The following DYM variants were observed in gnomAD, a reference collection of about 807,000 sequenced individuals.
DYM encodes the protein dyggve-Melchior-Clausen syndrome protein.
DYM carries 78 observed loss-of-function variants against 93.1 expected under a neutral mutation model. That is an observed-to-expected ratio of 0.84 (90% CI 0.70 to 1.01). DYM has a LOEUF of 1.01. DYM is among the 50% of genes least tolerant of loss of function. DYM has a pLI of 0.00. For synonymous variants in DYM, 321 were observed against 319.7 expected, an observed-to-expected ratio of 1.00 and a Z score of -0.04; for missense variants, 789 against 845.0, an observed-to-expected ratio of 0.93 and a Z score of 0.82.
intron 5 of DYM, among the ~76,000 whole-genome samples, chr18:49,373,598 T>C (rs949987713): frequency 6.6e-6 from 1 of 152,198 alleles, no homozygotes; most frequent in African/African-American, 2.4e-5. Context: ...GCCAACTTCC[T>C]ATCTCATTCT....
At chr18:49,321,993 A>G (rs1039293476) in intron 8 of DYM, among the ~76,000 whole-genome samples, 1 of 152,120 alleles carries the variant, frequency 6.6e-6, no homozygotes, top group Non-Finnish European at 1.5e-5. Flanking sequence ...CCAAAACTGA[A>G]GAGAAAAATA....
intron 17 of DYM, among the ~76,000 whole-genome samples, chr18:49,071,052 A>T (rs1001203261): frequency 2.6e-5 from 4 of 152,216 alleles, no homozygotes; most frequent in Non-Finnish European, 5.9e-5. Context: ...CTGATTTTTC[A>T]TTTTCAGTTC....
At chr18:49,330,953 G>A (rs2063262364) in intron 8 of DYM, among the ~76,000 whole-genome samples, 1 of 152,214 alleles carries the variant, frequency 6.6e-6, no homozygotes, top group Non-Finnish European at 1.5e-5. Flanking sequence ...TCAATTAACA[G>A]ACCAAGTCTA....
intron 6 of DYM, among the ~76,000 whole-genome samples, chr18:49,337,767 C>A (rs937228144): frequency 6.6e-6 from 1 of 152,110 alleles, no homozygotes; most frequent in Non-Finnish European, 1.5e-5. Flanking sequence ...GTATTAGGAA[C>A]ACAGAGATAA....
Position 49,452,808 on chromosome 18 carries a change from C to G in DYM, c.-54+7590G>C, listed in dbSNP as rs1600388411. Among the ~76,000 whole-genome samples, 3 of 135,162 alleles carry G rather than the reference C, an allele frequency of 2.2e-5. 1 individual carries two copies. In the South Asian group the frequency reaches 7.4e-4, roughly 33 times the overall value. 88.7% of individuals were successfully genotyped at this position (135,162 alleles called of 152,430 possible). A position where few individuals can be genotyped will look rare whatever the true frequency, so the allele number is the denominator to read the frequency against. ...CTGGTGCAGGATCCACCAGGTGAAG[C>G]CAGCTGGGCTCCTGAGTCTAGTGGG... On this transcript the variant is annotated intron_variant, in intron 1 of 17. Coordinates refer to ENST00000675505, the MANE Select transcript of DYM (RefSeq NM_001353214.3).
intron 13 of DYM, among the ~76,000 whole-genome samples, chr18:49,234,368 G>C (rs2093798548): frequency 6.6e-6 from 1 of 151,246 alleles, no homozygotes; most frequent in South Asian, 2.1e-4. Context: ...GAGGTGGGAG[G>C]ATTGCTTGAG....
intron 14 of DYM, among the ~76,000 whole-genome samples, chr18:49,186,751 C>G (rs184597529): frequency 6.6e-6 from 1 of 152,190 alleles, no homozygotes; most frequent in African/African-American, 2.4e-5. Flanking sequence ...GTAGGGCTTT[C>G]AGGTATATCT....
intron 3 of DYM, among the ~76,000 whole-genome samples, chr18:49,380,011 C>T (rs1206999763): frequency 1.3e-5 from 2 of 151,984 alleles, no homozygotes; most frequent in African/African-American, 2.4e-5. Context: ...ATCTCAGAAT[C>T]CAAAATCATA....
At chr18:49,426,728 C>T (rs994599805) in intron 2 of DYM, among the ~76,000 whole-genome samples, 3 of 147,692 alleles carry the variant, frequency 2.0e-5, no homozygotes, top group South Asian at 4.3e-4. Context: ...AAAAGAAAAA[C>T]GACTGCTATT....
chr18:49,094,129 A>T (rs1348236294), intron 17 of DYM, among the ~76,000 whole-genome samples: 2 of 152,226 alleles, frequency 1.3e-5, no homozygotes, highest in Non-Finnish European at 2.9e-5. Flanking sequence ...TTCAAACACT[A>T]AATACAGTAA....
chr18:49,203,091 G>C (rs1226124857), intron 14 of DYM, among the ~76,000 whole-genome samples: 1 of 21,018 alleles, frequency 4.8e-5, no homozygotes, highest in African/African-American at 1.4e-4. Flanking sequence ...CCCCGTCCGG[G>C]AGGTGAGGGG....
chr18:49,282,248 TGTGTACAACTC>T (rs1185712474), intron 9 of DYM, 73 bp from the exon 10 acceptor site: 1 of 1,292,918 alleles, frequency 7.7e-7, no homozygotes. Flanking sequence ...GTTAAAGTAA[TGTGTACAACTC>T]AATTCCCATT....
chr18:49,185,821 T>C (rs143439042), intron 14 of DYM, among the ~76,000 whole-genome samples: 400 of 152,282 alleles, frequency 2.6e-3, no homozygotes, highest in African/African-American at 8.7e-3. Flanking sequence ...GTGGCAGAAC[T>C]AGAACTCAAG....
chr18:49,326,636 C>A (rs897577148), intron 8 of DYM, among the ~76,000 whole-genome samples: 5 of 152,058 alleles, frequency 3.3e-5, no homozygotes, highest in African/African-American at 1.2e-4. Context: ...CAATAATAAA[C>A]AGAAGGAAGA....
chr18:49,421,334 T>C lies in DYM; in HGVS notation c.140+8921A>G, dbSNP rs1190727776. On this transcript the variant is annotated intron_variant, in intron 2 of 17. Coordinates refer to ENST00000675505, the MANE Select transcript of DYM (RefSeq NM_001353214.3). ...AACAATCAGGCAGCAACATTTGCTGTTCTGCAATATTTACGGTTCTGCAGC... is the reference window on the plus strand; with the variant it reads ...AACAATCAGGCAGCAACATTTGCTGCTCTGCAATATTTACGGTTCTGCAGC... Among the ~76,000 whole-genome samples the C allele has an allele frequency of 2.0e-5, 3 of 152,278 alleles. No individual in the cohort carries two copies. In the East Asian group the frequency reaches 5.8e-4, roughly 29 times the overall value.
chr18:49,398,030 C>G (rs2070326224), intron 2 of DYM, among the ~76,000 whole-genome samples: 1 of 152,106 alleles, frequency 6.6e-6, no homozygotes, highest in Non-Finnish European at 1.5e-5. Flanking sequence ...TATATACACA[C>G]AAAGCTAAGA....
chr18:49,381,326 T>C (rs973205030), intron 3 of DYM, among the ~76,000 whole-genome samples: 1 of 152,208 alleles, frequency 6.6e-6, no homozygotes, highest in African/African-American at 2.4e-5. Flanking sequence ...TGGGAATAAG[T>C]ACAGCATTAC....
chr18:49,286,051 T>C (rs1393603788), intron 9 of DYM, among the ~76,000 whole-genome samples: 3 of 152,170 alleles, frequency 2.0e-5, no homozygotes, highest in Non-Finnish European at 4.4e-5. Context: ...TCTAATCTTT[T>C]TTTTTTGTTT....
At chr18:49,188,472 C>T (rs1206962837) in intron 14 of DYM, among the ~76,000 whole-genome samples, 2 of 152,114 alleles carry the variant, frequency 1.3e-5, no homozygotes, top group African/African-American at 4.8e-5. Context: ...AAAAGTTCCT[C>T]TTAAGAATAT....
Sources: allele counts gnomAD v4.1 joint callset (sites outside exome capture counted in the v4.1 genomes callset), GRCh38; gene constraint gnomAD v4.1.1; transcripts MANE v1.5; gene names NCBI Gene and HGNC (gene_info 2026-07-23, HGNC 2026-07-21).